The following KRT6A variants were observed in gnomAD, a reference collection of about 807,000 sequenced individuals.
KRT6A encodes the protein keratin, type II cytoskeletal 6A.
In KRT6A, 28 loss-of-function variants were observed where a neutral mutation model predicts 48.6. The ratio of observed to expected loss-of-function variants is 0.58; its 90% confidence interval spans 0.43 to 0.79. The LOEUF (loss-of-function observed/expected upper bound fraction) is 0.79, where lower values mean the gene tolerates loss of function less well. KRT6A is among the 30% of genes least tolerant of loss of function. The probability of loss-of-function intolerance (pLI) is 0.00; values close to 1 mark genes in which losing one functional copy is unlikely to be tolerated. For missense variants in KRT6A, 687 were observed against 724.3 expected (o/e 0.95, Z 0.59); for synonymous variants, 301 against 294.2 (o/e 1.02, Z -0.24).
intron 6 of KRT6A, among the ~76,000 whole-genome samples, chr12:52,489,031 A>C (rs1359383256): frequency 1.3e-5 from 2 of 151,740 alleles, no homozygotes; most frequent in African/African-American, 4.8e-5. Context: ...CCCTTCCTCT[A>C]CTCTCTCTTT....
At chr12:52,490,212 T>A in intron 5 of KRT6A, 144 bp from the exon 6 acceptor site, 1 of 1,515,798 alleles carries the variant, frequency 6.6e-7, no homozygotes, top group Non-Finnish European at 9.1e-7. Context: ...TATTATGTGG[T>A]TGGTGGATAC....
At position 52,488,508 on chromosome 12, in the gene KRT6A, C is replaced by A. The variant is rs61730612; in HGVS notation, c.1244G>T (p.Arg415Leu). The A allele has an allele frequency of 1.2e-6, 2 of 1,614,016 alleles. No individual in the cohort carries two copies. The highest frequency in any genetic ancestry group is 2.2e-5 in the East Asian group (1 of 44,882). Residue 415 changes from arginine (R) to leucine (L), a missense_variant, in exon 7 of 9, where the codon CGT becomes CTT. Arg to Leu is a moderately radical substitution (Grantham distance 102, BLOSUM62 -2). Coordinates refer to ENST00000330722, the MANE Select transcript of KRT6A (RefSeq NM_005554.4). ...GGCATCCTTGAGGGCCATCTCCCCA[C>A]GCTGCTCAGCATCAGCAATGGCGGC... ...LQAAIADAEQ[R>L]GEMALKDAKN...
At chr12:52,489,233 C>T (rs1174727242) in intron 6 of KRT6A, among the ~76,000 whole-genome samples, 1 of 152,042 alleles carries the variant, frequency 6.6e-6, no homozygotes, top group Non-Finnish European at 1.5e-5. Context: ...TAAATGCAGC[C>T]CAACACAAAT....
rs548777854 is a variant in KRT6A, at chr12:52,487,647, G to A, written c.*73C>T. 2.6e-5 allele frequency: 42 copies of A among 1,602,798 alleles called. No individual in the cohort carries two copies. The highest frequency in any genetic ancestry group is 3.4e-5 in the Non-Finnish European group (40 of 1,171,442). On this transcript the variant is annotated 3_prime_UTR_variant, in exon 9 of 9. Coordinates refer to ENST00000330722, the MANE Select transcript of KRT6A (RefSeq NM_005554.4). Reference sequence around the variant, plus strand: ...GAGACTGGAGGCCAGGAGAGGAAAGGCAACCTGAGGAGAGGGCTCTGCAGC... The same window carrying A: ...GAGACTGGAGGCCAGGAGAGGAAAGACAACCTGAGGAGAGGGCTCTGCAGC...
intron 6 of KRT6A, 77 bp from the exon 7 acceptor site, chr12:52,488,625 G>GGA: frequency 1.8e-5 from 20 of 1,130,136 alleles, no homozygotes; most frequent in Non-Finnish European, 2.4e-5. Flanking sequence ...TTATTTCCTA[G>GGA]TGAAGGGGCC....
chr12:52,490,210 G>A, intron 5 of KRT6A, 142 bp from the exon 6 acceptor site: 1 of 1,524,278 alleles, frequency 6.6e-7, no homozygotes, highest in Non-Finnish European at 9.0e-7. Context: ...GATATTATGT[G>A]GTTGGTGGAT....
At position 52,491,017 on chromosome 12, in the gene KRT6A, G is replaced by A. The variant is rs369525592; in HGVS notation, c.817-64C>T. ...ACCTTTCCAATCTACCCATCTTCTA[G>A]TCTCCATGCCAATTCTCCTCTCCCA... On this transcript the variant is annotated intron_variant, in intron 3 of 8. Transcript: ENST00000330722. 5.0e-6 allele frequency: 8 copies of A among 1,613,712 alleles called. No homozygotes were observed. The South Asian group carries it at 6.6e-5, about 13-fold the overall frequency.
intron 6 of KRT6A, 80 bp downstream of exon 6, chr12:52,489,863 T>C (rs1938225928): frequency 6.2e-7 from 1 of 1,610,096 alleles, no homozygotes; most frequent in African/African-American, 1.3e-5. Context: ...TTCCAGGGGA[T>C]TTTCCCTAAT....
At position 52,490,521 on chromosome 12, in the gene KRT6A, T is replaced by C. The variant is rs751837730; in HGVS notation, c.1077+48A>G. On this transcript the variant is annotated intron_variant, in intron 5 of 8. Coordinates refer to ENST00000330722, the MANE Select transcript of KRT6A (RefSeq NM_005554.4). ...AGTAAAGTCTGCAGTCCTCTGGTAT[T>C]CAGGGATGGCACAGGGATTCCTCAG... is the stretch of plus-strand genomic sequence containing the variant. The C allele has an allele frequency of 7.4e-6, 12 of 1,614,154 alleles. No individual in the cohort carries two copies. In the South Asian group the frequency reaches 1.3e-4, roughly 18 times the overall value.
chr12:52,490,368 T>G (rs1298799093), intron 5 of KRT6A: 2 of 998,942 alleles, frequency 2.0e-6, no homozygotes, highest in East Asian at 5.1e-5. Context: ...TTGTCTATGG[T>G]AGCTTTCCTC....
chr12:52,490,608 C>G lies in KRT6A; in HGVS notation c.1038G>C (p.Gln346His), dbSNP rs772528079. The part of the protein sequence containing the change: ...EVKAQYEEIA[Q>H]RSRAEAESWY... ...AGGACTCAGCCTCAGCCCGGCTTCT[C>G]TGAGCAATCTCCTCATATTGGGCCT... Residue 346 changes from glutamine to histidine, a missense_variant, in exon 5 of 9, where the codon CAG becomes CAC. Transcript: ENST00000330722. 2 of 1,614,222 alleles carry G rather than the reference C, an allele frequency of 1.2e-6. No individual in the cohort carries two copies.
In KRT6A at chr12:52,487,501, T is replaced by C. The variant is rs1938163881; in HGVS notation, c.*219A>G. ...CAGTGAAGCTCCAGTGGTGATTACA[T>C]CATGATGTAAAATCAGAGGTTGATC... On this transcript the variant is annotated 3_prime_UTR_variant, in exon 9 of 9. Coordinates refer to ENST00000330722, the MANE Select transcript of KRT6A (RefSeq NM_005554.4). 4.9e-6 allele frequency: 3 copies of C among 615,556 alleles called. No homozygotes were observed. The highest frequency in any genetic ancestry group is 8.6e-6 in the Non-Finnish European group (3 of 347,034). 38.1% of individuals were successfully genotyped at this position (615,556 alleles called of 1,614,324 possible). A position where few individuals can be genotyped will look rare whatever the true frequency, so the allele number is the denominator to read the frequency against.
At position 52,493,120 on chromosome 12, in the gene KRT6A, G is replaced by A; in HGVS notation, c.69C>T (p.Ala23=). The A allele has an allele frequency of 6.2e-7, 1 of 1,614,106 alleles. No individual in the cohort carries two copies. The highest frequency in any genetic ancestry group is 8.5e-7 in the Non-Finnish European group (1 of 1,180,052). The change falls in exon 1 of 9, where the codon GCC becomes GCT. Residue 23 remains alanine, a synonymous_variant. Coordinates refer to ENST00000330722, the MANE Select transcript of KRT6A (RefSeq NM_005554.4). ...CAGAGCGGCTGACCCCAGGGAGCCT[G>A]GCTGAGTTGGCACTGAAACCCCGGC... is the stretch of plus-strand genomic sequence containing the variant. The part of the protein sequence containing the change: ...SSRRGFSANS[A]RLPGVSRSGF...
At position 52,490,770 on chromosome 12, in the gene KRT6A, C is replaced by T. The variant is rs192459714; in HGVS notation, c.913-37G>A. ...AAGGTCATAAGATCAACTTCACTTC[C>T]GATATTTACAGAGATACCCAACCCT... is the stretch of plus-strand genomic sequence containing the variant. On this transcript the variant is annotated intron_variant, in intron 4 of 8. Transcript: ENST00000330722. The T allele has an allele frequency of 2.0e-4, 329 of 1,614,018 alleles. 1 individual carries two copies. Among genetic ancestry groups the T allele is most frequent in the East Asian group, 1.2e-3 (55 of 44,876 alleles).
In KRT6A at chr12:52,492,668, A is replaced by C. The variant is rs61145796; in HGVS notation, c.521T>G (p.Phe174Cys). The change falls in exon 1 of 9, where the codon TTT becomes TGT. Residue 174 changes from phenylalanine (F) to cysteine (C), a missense_variant. Physicochemically the swap from Phe to Cys is radical, Grantham distance 205. Coordinates refer to ENST00000330722, the MANE Select transcript of KRT6A (RefSeq NM_005554.4). ...REQIKTLNNK[F>C]ASFIDKVRFL... The stretch of plus-strand genomic sequence containing the variant: ...GCTCACCTTGTCGATGAAGGAGGCA[A>C]ACTTGTTGTTGAGGGTCTTGATCTG... 1 of 1,613,970 alleles carries C rather than the reference A, an allele frequency of 6.2e-7. No individual in the cohort carries two copies. Among genetic ancestry groups the C allele is most frequent in the Non-Finnish European group, 8.5e-7 (1 of 1,179,920 alleles).
At chr12:52,491,198 A>T in intron 2 of KRT6A, 26 bp from the exon 3 acceptor site, 1 of 1,613,892 alleles carries the variant, frequency 6.2e-7, no homozygotes, top group East Asian at 2.2e-5. Flanking sequence ...CATGGGACAC[A>T]TTTGAGCCAG....
Position 52,490,878 on chromosome 12 carries a change from G to A in KRT6A, c.892C>T (p.Leu298=), listed in dbSNP as rs765478998. 2 of 1,614,030 alleles carry A rather than the reference G, an allele frequency of 1.2e-6. No individual in the cohort carries two copies. The highest frequency in any genetic ancestry group is 8.5e-7 in the Non-Finnish European group (1 of 1,179,918). The change falls in exon 4 of 9, where the codon CTG becomes TTG. Residue 298 remains leucine, a synonymous_variant. Coordinates refer to ENST00000330722, the MANE Select transcript of KRT6A (RefSeq NM_005554.4). The stretch of plus-strand genomic sequence containing the variant: ...CTTACTGCATCATACAAGGCTCTCA[G>A]GAAGTTGATCTCGTCTGTGAGAGTG... ...ADTLTDEINF[L]RALYDAELSQ... is the part of the protein sequence containing the mutation.
chr12:52,488,695 T>A (rs988912538), intron 6 of KRT6A, 147 bp from the exon 7 acceptor site: 568 of 1,159,196 alleles, frequency 4.9e-4, no homozygotes, highest in Middle Eastern at 8.6e-4. Context: ...TTTTTTTTTT[T>A]ATTTTGCAGT....
chr12:52,491,282 C>T (rs1364678201), intron 2 of KRT6A, 110 bp from the exon 3 acceptor site: 25 of 1,595,598 alleles, frequency 1.6e-5, no homozygotes, highest in Non-Finnish European at 2.0e-5. Flanking sequence ...ATTGGGCTTT[C>T]CTGCCACAGA....
Sources: gnomAD v4.1 joint callset for allele counts (sites outside exome capture counted in the v4.1 genomes callset) on GRCh38, gnomAD v4.1.1 for gene constraint, MANE v1.5 for transcripts, NCBI Gene and HGNC (gene_info 2026-07-23, HGNC 2026-07-21) for gene names.